The following AGBL1 variants were observed in gnomAD, a reference collection of about 807,000 sequenced individuals.
AGBL1 encodes cytosolic carboxypeptidase 4.
In AGBL1, 130 loss-of-function variants were observed where a neutral mutation model predicts 118.9. The observed-to-expected ratio is 1.09, with a 90% CI of 0.95 to 1.26. The LOEUF is 1.26. Among genes scored for constraint, AGBL1 ranks in the 50% most tolerant of loss-of-function variants. The probability of loss-of-function intolerance (pLI) is 0.00; values close to 1 mark genes in which losing one functional copy is unlikely to be tolerated. For synonymous variants in AGBL1, 555 were observed against 478.9 expected (o/e 1.16, Z -2.08); for missense variants, 1,584 against 1,298.1 (o/e 1.22, Z -3.38).
rs2082971991 is a variant in AGBL1, at chr15:86,506,000, T to G, written c.2556-16810T>G. Among the ~76,000 whole-genome samples, 3 of 152,108 alleles carry G rather than the reference T, an allele frequency of 2.0e-5. No individual in the cohort carries two copies. In the South Asian group the frequency reaches 6.2e-4, roughly 31 times the overall value. Reference sequence around the variant, plus strand: ...CTATGTTCTTGTCATGTGCAGCCATTAAAGTCTTTGCTTGGCTAGCTTAGT... The same window carrying G: ...CTATGTTCTTGTCATGTGCAGCCATGAAAGTCTTTGCTTGGCTAGCTTAGT... On this transcript the variant is annotated intron_variant, in intron 18 of 22. Coordinates refer to ENST00000614907, the MANE Select transcript of AGBL1 (RefSeq NM_001386094.1).
At chr15:86,918,484 A>C (rs914872785), downstream of AGBL1, among the ~76,000 whole-genome samples, 3 of 151,952 alleles carry the variant, frequency 2.0e-5, no homozygotes, top group Admixed American at 6.6e-5. Flanking sequence ...TTAGAAATGG[A>C]TCCGTATCAT....
intron 21 of AGBL1, among the ~76,000 whole-genome samples, chr15:86,653,655 A>G (rs1219614842): frequency 1.3e-5 from 2 of 152,140 alleles, no homozygotes; most frequent in Admixed American, 6.6e-5. Context: ...CCATCCCCCT[A>G]GTGACCACAG....
At chr15:86,103,510 G>T (rs1896855881) in intron 1 of AGBL1, among the ~76,000 whole-genome samples, 1 of 152,068 alleles carries the variant, frequency 6.6e-6, no homozygotes, top group South Asian at 2.1e-4. Context: ...TGTAGGGGAG[G>T]GCTTTTTCCT....
At chr15:86,862,344 A>G (rs1269236095) in intron 22 of AGBL1, among the ~76,000 whole-genome samples, 1 of 152,210 alleles carries the variant, frequency 6.6e-6, no homozygotes, top group Admixed American at 6.5e-5. Flanking sequence ...GGCTGCTCAA[A>G]TTGTTTATGA....
At chr15:87,014,275 C>A (rs375512856) in intron 24 of AGBL1, among the ~76,000 whole-genome samples, 1 of 87,152 alleles carries the variant, frequency 1.1e-5, no homozygotes, top group Non-Finnish European at 3.0e-5. Context: ...TATTAGCTAA[C>A]GCAAAAGAAA....
intron 22 of AGBL1, among the ~76,000 whole-genome samples, chr15:86,782,035 T>C (rs2078343687): frequency 6.6e-6 from 1 of 152,142 alleles, no homozygotes; most frequent in South Asian, 2.1e-4. Flanking sequence ...TTGGACTTCA[T>C]AGTCTTTTAA....
chr15:86,750,413 G>T (rs569899934), intron 22 of AGBL1, among the ~76,000 whole-genome samples: 1 of 150,554 alleles, frequency 6.6e-6, no homozygotes, highest in African/African-American at 2.4e-5. Flanking sequence ...GGTAATTTCT[G>T]TATAACAATA....
chr15:86,538,661 G>C (rs1014655712), intron 19 of AGBL1, among the ~76,000 whole-genome samples: 2 of 152,212 alleles, frequency 1.3e-5, no homozygotes, highest in African/African-American at 4.8e-5. Flanking sequence ...CTAGGCTTCA[G>C]CCTTGCCTTC....
intron 5 of AGBL1, among the ~76,000 whole-genome samples, chr15:86,205,186 T>C (rs983298090): frequency 6.6e-6 from 1 of 152,186 alleles, no homozygotes; most frequent in Admixed American, 6.5e-5. Context: ...CAAAATGTCA[T>C]TTAGTTGGAA....
intron 1 of AGBL1, among the ~76,000 whole-genome samples, chr15:86,089,748 G>A (rs1895897134): frequency 6.6e-6 from 1 of 151,964 alleles, no homozygotes; most frequent in South Asian, 2.1e-4. Context: ...CTATATCCCA[G>A]CCCTCTAAAG....
intron 20 of AGBL1, among the ~76,000 whole-genome samples, chr15:86,548,052 C>A (rs954884829): frequency 2.0e-5 from 3 of 152,130 alleles, no homozygotes; most frequent in Non-Finnish European, 4.4e-5. Flanking sequence ...CCTAAAAAGA[C>A]TTTTGTGTAT....
chr15:86,356,647 C>A (rs1186400037), intron 17 of AGBL1, among the ~76,000 whole-genome samples: 1 of 152,020 alleles, frequency 6.6e-6, no homozygotes, highest in Admixed American at 6.5e-5. Flanking sequence ...GTCTTTTTAC[C>A]CTGAGAATTG....
chr15:86,287,408 T>C (rs1206548993), intron 16 of AGBL1, among the ~76,000 whole-genome samples: 1 of 152,196 alleles, frequency 6.6e-6, no homozygotes, highest in Non-Finnish European at 1.5e-5. Flanking sequence ...CTTGGGGTCA[T>C]AGTTAAGAAA....
chr15:86,627,729 A>G (rs1284032145), intron 21 of AGBL1, among the ~76,000 whole-genome samples: 1 of 152,240 alleles, frequency 6.6e-6, no homozygotes, highest in Non-Finnish European at 1.5e-5. Flanking sequence ...CAGGGTATAC[A>G]GTTAGGAAGG....
rs929690201 is a variant in AGBL1, at chr15:86,087,702, G to A, written c.51+7679G>A. Among the ~76,000 whole-genome samples the A allele has an allele frequency of 9.2e-5, 14 of 152,200 alleles. No individual in the cohort carries two copies. In the East Asian group the frequency reaches 2.5e-3, roughly 27 times the overall value. ...TTTTAAAGCTTTAAAATGGAAGATT[G>A]GAGAGGTTAGTGAATTTTCCTTGAT... On this transcript the variant is annotated intron_variant, in intron 1 of 22. Coordinates refer to ENST00000614907, the MANE Select transcript of AGBL1 (RefSeq NM_001386094.1).
At chr15:86,938,652 G>A (rs190162483) in intron 23 of AGBL1, 21 of 152,328 alleles carry the variant, frequency 1.4e-4, no homozygotes, top group African/African-American at 4.3e-4. Context: ...TCTCTCAGGG[G>A]TTGGAGAAAG....
At chr15:86,650,879 A>T (rs566199692) in intron 21 of AGBL1, among the ~76,000 whole-genome samples, 8 of 152,176 alleles carry the variant, frequency 5.3e-5, no homozygotes, top group Non-Finnish European at 1.2e-4. Flanking sequence ...TGCCAAGGAC[A>T]AATTCCAAGT....
At chr15:86,608,160 G>C (rs2084606023) in intron 21 of AGBL1, among the ~76,000 whole-genome samples, 1 of 152,142 alleles carries the variant, frequency 6.6e-6, no homozygotes, top group Non-Finnish European at 1.5e-5. Flanking sequence ...TATTATCTGA[G>C]ATCCAGAACA....
In AGBL1 at chr15:86,941,849, G is replaced by A. The variant is rs946254285; in HGVS notation, c.3222-46138G>A. ...AGCAGGCCCAGGGAACATGCCAGAA[G>A]CAGGAGGCAAAATTCTTCTCTGCCA... is the stretch of plus-strand genomic sequence containing the variant. On this transcript the variant is annotated intron_variant, in intron 23 of 24. Coordinates refer to the AGBL1 transcript ENST00000441037. Among the ~76,000 whole-genome samples, 6 of 152,352 alleles carry A rather than the reference G, an allele frequency of 3.9e-5. No individual in the cohort carries two copies. The Middle Eastern group carries it at 0.014, about 345-fold the overall frequency.
Sources: gnomAD v4.1 joint callset for allele counts (sites outside exome capture counted in the v4.1 genomes callset) on GRCh38, gnomAD v4.1.1 for gene constraint, MANE v1.5 for transcripts, NCBI Gene and HGNC (gene_info 2026-07-23, HGNC 2026-07-21) for gene names.